CC2D2A: variants seen among roughly 807,000 people sequenced by gnomAD.
CC2D2A encodes coiled-coil and C2 domain containing 2A.
CC2D2A carries 155 observed loss-of-function variants against 212.9 expected under a neutral mutation model. The observed-to-expected ratio is 0.73, with a 90% CI of 0.64 to 0.83. The LOEUF (loss-of-function observed/expected upper bound fraction) is 0.83, where lower values mean the gene tolerates loss of function less well. Among genes scored for constraint, CC2D2A ranks in the 40% least tolerant of loss-of-function variants. CC2D2A has a pLI of 0.00. For missense variants in CC2D2A, 1,856 were observed against 1,956.2 expected (o/e 0.95, Z 0.97); for synonymous variants, 667 against 686.5 (o/e 0.97, Z 0.44).
intron 33 of CC2D2A, among the ~76,000 whole-genome samples, chr4:15,593,455 G>A (rs907045495): frequency 7.2e-5 from 11 of 151,950 alleles, no homozygotes; most frequent in Non-Finnish European, 8.8e-5. Flanking sequence ...TTCCTCCCAG[G>A]GAATACCACA....
chr4:15,550,295 T>G (rs187137786), intron 17 of CC2D2A, among the ~76,000 whole-genome samples: 1 of 152,280 alleles, frequency 6.6e-6, no homozygotes, highest in African/African-American at 2.4e-5. Context: ...ATCTGGAGTT[T>G]CAGCAGCTAA....
chr4:15,514,771 C>T lies in CC2D2A; in HGVS notation c.782C>T (p.Ala261Val). Residue 261 changes from alanine to valine, a missense_variant, in exon 9 of 37, where the codon GCT becomes GTT. Coordinates refer to ENST00000424120, the MANE Select transcript of CC2D2A (RefSeq NM_001378615.1). Reference sequence around the variant, plus strand: ...TTCCTATTGGGCTTAGATCACGTGGCTGACGATTTTGTAGCAGTCAGACCT... The same window carrying T: ...TTCCTATTGGGCTTAGATCACGTGGTTGACGATTTTGTAGCAGTCAGACCT... ...EDFLLGLDHV[A>V]DDFVAVRPAD... is the part of the protein sequence containing the mutation. 6.2e-7 allele frequency: 1 copy of T among 1,613,100 alleles called. No individual in the cohort carries two copies. Among genetic ancestry groups the T allele is most frequent in the South Asian group, 1.1e-5 (1 of 90,986 alleles).
chr4:15,532,054 C>T (rs916842136), intron 13 of CC2D2A, among the ~76,000 whole-genome samples: 6 of 152,100 alleles, frequency 3.9e-5, no homozygotes, highest in African/African-American at 1.4e-4. Flanking sequence ...CAGATGTGAG[C>T]CAGCAAAGGG....
Position 15,574,245 on chromosome 4 carries a change from A to G in CC2D2A, c.3690A>G (p.Arg1230=). The G allele has an allele frequency of 1.3e-6, 2 of 1,551,614 alleles. No homozygotes were observed. Among genetic ancestry groups the G allele is most frequent in the Non-Finnish European group, 1.7e-6 (2 of 1,146,920 alleles). Residue 1230 remains arginine (R), a synonymous_variant, in exon 29 of 37, where the codon CGA becomes CGG. Transcript: ENST00000424120. ...MILERGFDSV[R]SLSEGSYITL... is the part of the protein sequence containing the mutation. ...TTGAGCGGGGTTTTGATTCTGTCCG[A>G]AGCTTAAGTGAAGGCTCCTACATTA...
chr4:15,589,701 T>C (rs530503496), intron 33 of CC2D2A, 22 bp downstream of exon 33: 22 of 1,438,970 alleles, frequency 1.5e-5, no homozygotes, highest in African/African-American at 1.1e-4. Flanking sequence ...CATTTCTTCT[T>C]AAATATGGTT....
chr4:15,527,407 C>T, intron 11 of CC2D2A, 40 bp from the exon 12 acceptor site: 1 of 1,474,246 alleles, frequency 6.8e-7, no homozygotes, highest in Admixed American at 1.8e-5. Flanking sequence ...CTAGTAAGTG[C>T]TTTAACTGTG....
At chr4:15,511,862 G>A (rs751079971) in intron 8 of CC2D2A, among the ~76,000 whole-genome samples, 8 of 152,078 alleles carry the variant, frequency 5.3e-5, no homozygotes, top group Non-Finnish European at 8.8e-5. Flanking sequence ...AACTGTGGGT[G>A]GTATGTGTGA....
At chr4:15,520,571 G>A (rs982840049) in intron 11 of CC2D2A, among the ~76,000 whole-genome samples, 21 of 152,228 alleles carry the variant, frequency 1.4e-4, no homozygotes, top group African/African-American at 4.8e-4. Flanking sequence ...GATCTCATCT[G>A]TCTCCTTTTG....
chr4:15,476,601 T>G (rs1714229117), intron 2 of CC2D2A, among the ~76,000 whole-genome samples: 2 of 152,212 alleles, frequency 1.3e-5, no homozygotes, highest in South Asian at 4.1e-4. Flanking sequence ...CCGAAGCTGT[T>G]TTGTCACGGT....
intron 22 of CC2D2A, among the ~76,000 whole-genome samples, chr4:15,560,078 C>T (rs1329664816): frequency 1.4e-5 from 2 of 140,404 alleles, no homozygotes; most frequent in South Asian, 2.3e-4. Flanking sequence ...GCAATCCACC[C>T]ACCTTGGCCT....
intron 4 of CC2D2A, chr4:15,492,930 C>T (rs1715389586): frequency 7.5e-6 from 4 of 530,124 alleles, no homozygotes; most frequent in South Asian, 3.0e-5. Flanking sequence ...TTGAGGGGGC[C>T]CTCTGATGCC....
intron 4 of CC2D2A, chr4:15,481,453 G>C: frequency 3.1e-6 from 1 of 326,456 alleles, no homozygotes; most frequent in South Asian, 2.5e-5. Flanking sequence ...GGAGGTTGCA[G>C]TGAGCCGAGA....
At chr4:15,593,553 T>A (rs190123819) in intron 33 of CC2D2A, among the ~76,000 whole-genome samples, 3 of 152,294 alleles carry the variant, frequency 2.0e-5, no homozygotes, top group African/African-American at 7.2e-5. Flanking sequence ...CGACTCAACA[T>A]CCTCATTTGG....
intron 4 of CC2D2A, among the ~76,000 whole-genome samples, 165 bp from the exon 5 acceptor site, chr4:15,502,264 T>C (rs2108997987): frequency 6.6e-6 from 1 of 152,378 alleles, no homozygotes; most frequent in South Asian, 2.1e-4. Context: ...ATCTCATGTT[T>C]GCTTATGTGA....
intron 33 of CC2D2A, 76 bp from the exon 34 acceptor site, chr4:15,596,009 C>T: frequency 6.6e-6 from 7 of 1,054,956 alleles, no homozygotes; most frequent in Non-Finnish European, 9.0e-6. Context: ...CTCTATGCCA[C>T]ACATACATCC....
Position 15,502,507 on chromosome 4 carries a change from A to G in CC2D2A, c.326A>G (p.Gln109Arg). The G allele has an allele frequency of 6.2e-7, 1 of 1,604,124 alleles. No individual in the cohort carries two copies. Among genetic ancestry groups the G allele is most frequent in the Non-Finnish European group, 8.5e-7 (1 of 1,177,422 alleles). Residue 109 changes from glutamine to arginine, a missense_variant, in exon 5 of 37, where the codon CAA becomes CGA. Gln to Arg is a conservative substitution (Grantham distance 43). Transcript: ENST00000424120. Reference protein sequence around the residue: ...SMRGRMREKLQAARSKAESAL... With the variant: ...SMRGRMREKLRAARSKAESAL... ...AGGGGACGCATGAGGGAGAAATTGC[A>G]AGCAGCGAGGGTGAGAGAAACCACA... is the stretch of plus-strand genomic sequence containing the variant.
chr4:15,596,055 T>A, intron 33 of CC2D2A, 30 bp from the exon 34 acceptor site: 2 of 1,513,196 alleles, frequency 1.3e-6, no homozygotes, highest in Non-Finnish European at 1.8e-6. Flanking sequence ...CATGCTAACA[T>A]ATATGCTAAT....
At chr4:15,588,208 C>T (rs1031143597) in intron 32 of CC2D2A, among the ~76,000 whole-genome samples, 3 of 152,146 alleles carry the variant, frequency 2.0e-5, no homozygotes, top group Non-Finnish European at 4.4e-5. Context: ...TTAGTATGGG[C>T]CTCTTCCCAG....
intron 29 of CC2D2A, among the ~76,000 whole-genome samples, chr4:15,579,019 T>C (rs1720533969): frequency 4.3e-5 from 1 of 23,128 alleles, no homozygotes; most frequent in Non-Finnish European, 1.5e-4. Context: ...GAAAATATTT[T>C]TATACAAAAA....
Sources: allele counts gnomAD v4.1 joint callset (sites outside exome capture counted in the v4.1 genomes callset), GRCh38; gene constraint gnomAD v4.1.1; transcripts MANE v1.5; gene names NCBI Gene and HGNC (gene_info 2026-07-23, HGNC 2026-07-21).